Variants in SMG6 observed in about 807,000 individuals in gnomAD.
SMG6 encodes the protein SMG6 nonsense mediated mRNA decay factor, also known as telomerase-binding protein EST1A.
SMG6 carries 66 observed loss-of-function variants against 142.2 expected under a neutral mutation model. The ratio of observed to expected loss-of-function variants is 0.46; its 90% CI spans 0.38 to 0.57. SMG6 has a LOEUF of 0.57. Among genes scored for constraint, SMG6 ranks in the 20% least tolerant of loss-of-function variants. SMG6 has a pLI of 0.00. For synonymous variants in SMG6, 779 were observed against 702.4 expected, an observed-to-expected ratio of 1.11 and a Z score of -1.72; for missense variants, 1,793 against 1,832.0, an observed-to-expected ratio of 0.98 and a Z score of 0.39.
intron 13 of SMG6, among the ~76,000 whole-genome samples, chr17:2,169,987 T>C (rs1425774890): frequency 6.6e-6 from 1 of 152,104 alleles, no homozygotes; most frequent in African/African-American, 2.4e-5. Flanking sequence ...GGATTAGATA[T>C]GGAAGTGTGA....
intron 6 of SMG6, among the ~76,000 whole-genome samples, chr17:2,289,912 T>G (rs1325097667): frequency 7.0e-6 from 1 of 142,940 alleles, no homozygotes; most frequent in Admixed American, 7.1e-5. Flanking sequence ...CGAGGCTCCA[T>G]CTCAAAAAAA....
At chr17:2,088,337 G>A in intron 13 of SMG6, 1 of 985,382 alleles carries the variant, frequency 1.0e-6, no homozygotes, top group Middle Eastern at 5.2e-4. Context: ...CCAGGGATGT[G>A]GACATCCTGA....
At chr17:2,233,940 T>G (rs1017686048) in intron 10 of SMG6, among the ~76,000 whole-genome samples, 1 of 152,236 alleles carries the variant, frequency 6.6e-6, no homozygotes, top group African/African-American at 2.4e-5. Flanking sequence ...TTATATCCTG[T>G]GGCCTGGGCC....
chr17:2,277,161 A>ATTTT (rs1487135491), intron 8 of SMG6, among the ~76,000 whole-genome samples: 14 of 65,134 alleles, frequency 2.1e-4, no homozygotes, highest in South Asian at 4.8e-4. Context: ...TTATTTATTT[A>ATTTT]TTTATTTTTT....
rs185818086 is a variant in SMG6 at position 2,090,136 on chromosome 17, T to C, written c.3358-4235A>G. On this transcript the variant is annotated intron_variant, in intron 13 of 18. Coordinates refer to ENST00000263073, the MANE Select transcript of SMG6 (RefSeq NM_017575.5). ...AGGTGGAGGTTGCAGTGAGCCGAGA[T>C]TGCACCACCGCACTCCAGCCCAGGC... Among the ~76,000 whole-genome samples, 311 of 145,066 alleles carry C rather than the reference T, an allele frequency of 2.1e-3. 1 individual carries two copies. Among genetic ancestry groups the C allele is most frequent in the Middle Eastern group, 0.011 (3 of 276 alleles).
rs78909737 is a variant in SMG6, at chr17:2,157,037, T to C, written c.3357+15621A>G. 1.2e-3 allele frequency among the ~76,000 whole-genome samples: 190 copies of C among 152,332 alleles called. 3 individuals are homozygous for C. In the East Asian group the frequency reaches 0.034, roughly 27 times the overall value. On this transcript the variant is annotated intron_variant, in intron 13 of 18. Transcript: ENST00000263073. ...ATGTATCTCAGCATGTTTCTTCCAC[T>C]GTTTGTGCTAGAGACCCTCCCTCCT...
chr17:2,131,216 G>A (rs993316229), intron 13 of SMG6, among the ~76,000 whole-genome samples: 22 of 152,124 alleles, frequency 1.4e-4, no homozygotes, highest in African/African-American at 5.3e-4. Flanking sequence ...AGAGACTAGA[G>A]ACTAGTGTAA....
chr17:2,180,130 C>T (rs936413353), intron 12 of SMG6, among the ~76,000 whole-genome samples: 1 of 152,170 alleles, frequency 6.6e-6, no homozygotes, highest in Non-Finnish European at 1.5e-5. Flanking sequence ...CGCTCTACTC[C>T]TCTCCAGCAC....
chr17:2,169,050 CT>C (rs757386773), intron 13 of SMG6, among the ~76,000 whole-genome samples: 309 of 143,380 alleles, frequency 2.2e-3, no homozygotes, highest in Middle Eastern at 3.7e-3. Flanking sequence ...CCAGCCAAAA[CT>C]TTTTTTTTTT....
In SMG6 at chr17:2,069,195, T is replaced by C. The variant is rs546498276; in HGVS notation, c.3682-264A>G. ...GAAAGGATCCTGAGGATATTCAACA[T>C]AACAGGTCTCTCAAAGTAAGACTGG... On this transcript the variant is annotated intron_variant, in intron 15 of 18. Transcript: ENST00000263073. Among the ~76,000 whole-genome samples the C allele has an allele frequency of 1.2e-3, 176 of 152,172 alleles. 1 individual carries two copies. Among genetic ancestry groups the C allele is most frequent in the African/African-American group, 4.1e-3 (171 of 41,498 alleles).
chr17:2,114,161 T>A (rs1484885145), intron 13 of SMG6, among the ~76,000 whole-genome samples: 1 of 152,054 alleles, frequency 6.6e-6, no homozygotes, highest in Non-Finnish European at 1.5e-5. Flanking sequence ...TCCCAGCTAC[T>A]TGGGAGGCTG....
intron 8 of SMG6, among the ~76,000 whole-genome samples, chr17:2,254,750 T>C (rs929828600): frequency 1.3e-5 from 2 of 152,176 alleles, no homozygotes; most frequent in African/African-American, 4.8e-5. Flanking sequence ...GGGCACATTT[T>C]ATGTACAAAG....
chr17:2,295,673 T>C (rs953619078), intron 4 of SMG6, among the ~76,000 whole-genome samples: 1 of 152,034 alleles, frequency 6.6e-6, no homozygotes, highest in Non-Finnish European at 1.5e-5. Context: ...GTACCCCAAC[T>C]TTTGCTTCAA....
chr17:2,273,615 A>G (rs1175808025), intron 8 of SMG6, among the ~76,000 whole-genome samples: 2 of 152,180 alleles, frequency 1.3e-5, no homozygotes, highest in Non-Finnish European at 2.9e-5. Context: ...CCCGGGCAAC[A>G]GTGTGAGACT....
intron 10 of SMG6, among the ~76,000 whole-genome samples, chr17:2,191,707 G>A (rs2072169000): frequency 6.6e-6 from 1 of 152,180 alleles, no homozygotes; most frequent in East Asian, 1.9e-4. Flanking sequence ...GGTGACCACA[G>A]CTCCTATTAT....
intron 9 of SMG6, chr17:2,237,546 C>G: frequency 1.0e-6 from 1 of 985,466 alleles, no homozygotes. Flanking sequence ...CCGTCCTCCT[C>G]CCTCTCACAA....
At chr17:2,199,874 T>G (rs573872589) in intron 10 of SMG6, 5 of 151,114 alleles carry the variant, frequency 3.3e-5, no homozygotes, top group Non-Finnish European at 7.4e-5. Flanking sequence ...GCCACCGCAC[T>G]CCAGCTTGGG....
In SMG6 at chr17:2,189,594, C is replaced by A. The variant is rs527314653; in HGVS notation, c.2870-1079G>T. Among the ~76,000 whole-genome samples, 101 of 152,292 alleles carry A rather than the reference C, an allele frequency of 6.6e-4. 1 individual carries two copies. Among genetic ancestry groups the A allele is most frequent in the African/African-American group, 2.3e-3 (94 of 41,548 alleles). On this transcript the variant is annotated intron_variant, in intron 10 of 18. Transcript: ENST00000263073. ...AAGGATAATCAGCTGAATGTCTGAT[C>A]TCTGTCCCTGCCTGTATTTTAACCT...
chr17:2,197,882 G>C (rs1329290239), intron 10 of SMG6, among the ~76,000 whole-genome samples: 3 of 152,206 alleles, frequency 2.0e-5, no homozygotes, highest in Admixed American at 1.3e-4. Context: ...GTTGCTGATG[G>C]AATGTAAAAT....
Sources: allele counts gnomAD v4.1 joint callset (sites outside exome capture counted in the v4.1 genomes callset), GRCh38; gene constraint gnomAD v4.1.1; transcripts MANE v1.5; gene names NCBI Gene and HGNC (gene_info 2026-07-23, HGNC 2026-07-21).